The following LOC400499 variants were observed in gnomAD, a reference collection of about 807,000 sequenced individuals.
chr16:11,501,098 G>A, the LOC400499 span: 3 of 342,324 alleles, frequency 8.8e-6, no homozygotes, highest in Non-Finnish European at 1.5e-5. Flanking sequence ...CTTGGGAGGG[G>A]CTGACCCGGG....
At chr16:11,490,422 G>A in the LOC400499 span, among the ~76,000 whole-genome samples, 75 of 140,994 alleles carry the variant, frequency 5.3e-4, no homozygotes, top group African/African-American at 1.6e-3. Context: ...AAAAAAGTCC[G>A]GGCGCAGTGG....
the LOC400499 span, among the ~76,000 whole-genome samples, chr16:11,386,180 G>A: frequency 6.6e-6 from 1 of 152,226 alleles, no homozygotes; most frequent in Non-Finnish European, 1.5e-5. Flanking sequence ...ACCCTCTTCA[G>A]GGTAGGGAAC....
At chr16:11,412,939 T>C in the LOC400499 span, 24 of 398,804 alleles carry the variant, frequency 6.0e-5, no homozygotes, top group African/African-American at 4.9e-4. Flanking sequence ...CCTCCCAGAG[T>C]CCTTGGAACA....
the LOC400499 span, among the ~76,000 whole-genome samples, chr16:11,492,644 G>C: frequency 2.0e-5 from 3 of 152,188 alleles, no homozygotes; most frequent in Admixed American, 2.0e-4. Flanking sequence ...AATTAGCCGG[G>C]CGTGGTGGCG....
chr16:11,442,645 T>C, the LOC400499 span: 1 of 152,248 alleles, frequency 6.6e-6, no homozygotes, highest in Non-Finnish European at 1.5e-5. Flanking sequence ...CACCGTCTGA[T>C]TTTCTTCTTA....
At chr16:11,468,526 A>G in the LOC400499 span, among the ~76,000 whole-genome samples, 5 of 152,112 alleles carry the variant, frequency 3.3e-5, no homozygotes, top group East Asian at 1.9e-4. Flanking sequence ...GGGTCTTGCT[A>G]TGTTGCCCAG....
the LOC400499 span, among the ~76,000 whole-genome samples, chr16:11,514,205 G>A: frequency 6.6e-6 from 1 of 152,014 alleles, no homozygotes; most frequent in African/African-American, 2.4e-5. Flanking sequence ...CCTTCTAGAA[G>A]TGGCTAACTC....
At chr16:11,387,276 T>C in the LOC400499 span, 2 of 1,232,242 alleles carry the variant, frequency 1.6e-6, no homozygotes, top group Non-Finnish European at 2.0e-6. Flanking sequence ...AGTGGCAGCA[T>C]CACCACCACT....
chr16:11,378,581 A>G, the LOC400499 span, among the ~76,000 whole-genome samples: 2 of 152,076 alleles, frequency 1.3e-5, no homozygotes, highest in Non-Finnish European at 2.9e-5. Context: ...TTTTAATTTA[A>G]GTGTGTACAG....
chr16:11,494,666 C>T, the LOC400499 span: 1 of 399,488 alleles, frequency 2.5e-6, no homozygotes, highest in Non-Finnish European at 4.4e-6. Flanking sequence ...AGGCAGCTGG[C>T]CGCAGGGCCC....
chr16:11,469,694 G>C, the LOC400499 span: 1 of 398,988 alleles, frequency 2.5e-6, no homozygotes, highest in Non-Finnish European at 4.4e-6. Context: ...CTTCAAGATT[G>C]AGAGCCTCCA....
the LOC400499 span, among the ~76,000 whole-genome samples, chr16:11,446,220 C>A: frequency 8.9e-4 from 135 of 152,116 alleles, no homozygotes; most frequent in Non-Finnish European, 1.5e-3. Context: ...GCAACCATGG[C>A]TCACAGAAGC....
the LOC400499 span, chr16:11,392,233 G>C: frequency 2.5e-6 from 1 of 398,996 alleles, no homozygotes; most frequent in East Asian, 3.6e-5. Context: ...TGGACCCCAA[G>C]GGCTCGGGGC....
the LOC400499 span, chr16:11,461,182 C>T: frequency 6.8e-7 from 1 of 1,475,276 alleles, no homozygotes; most frequent in Non-Finnish European, 9.0e-7. Context: ...CCCCCATCCC[C>T]AGGCAAAGAA....
chr16:11,443,055 G>T, the LOC400499 span, among the ~76,000 whole-genome samples: 1 of 152,126 alleles, frequency 6.6e-6, no homozygotes, highest in African/African-American at 2.4e-5. Flanking sequence ...CGGGCGTGGT[G>T]GTTCATGGCT....
chr16:11,452,708 G>A, the LOC400499 span, among the ~76,000 whole-genome samples: 4 of 152,250 alleles, frequency 2.6e-5, no homozygotes, highest in Non-Finnish European at 4.4e-5. Flanking sequence ...CTGGGCCTCT[G>A]GGTGGCCTCA....
At chr16:11,395,245 C>A in the LOC400499 span, among the ~76,000 whole-genome samples, 2 of 152,362 alleles carry the variant, frequency 1.3e-5, no homozygotes, top group South Asian at 2.1e-4. Context: ...TGTCCCTCAT[C>A]TGTCCTGGGG....
At chr16:11,471,055 T>C in the LOC400499 span, among the ~76,000 whole-genome samples, 1 of 152,226 alleles carries the variant, frequency 6.6e-6, no homozygotes, top group Non-Finnish European at 1.5e-5. Flanking sequence ...TCACGGCGTC[T>C]GGCTCCTACT....
At chr16:11,506,223 C>T in the LOC400499 span, among the ~76,000 whole-genome samples, 42 of 152,188 alleles carry the variant, frequency 2.8e-4, no homozygotes, top group African/African-American at 9.2e-4. Context: ...CAGGGTTTCA[C>T]CATGTTGGCC....
Sources: gnomAD v4.1 joint callset for allele counts (sites outside exome capture counted in the v4.1 genomes callset) on GRCh38, gnomAD v4.1.1 for gene constraint, MANE v1.5 for transcripts.